SYNE1: variants seen among roughly 807,000 people sequenced by gnomAD.
SYNE1 encodes spectrin repeat containing nuclear envelope protein 1, also known as nesprin-1.
SYNE1 carries 616 observed loss-of-function variants against 1,111.0 expected under a neutral mutation model. That is an observed-to-expected ratio of 0.55 (90% confidence interval 0.52 to 0.59). The LOEUF (loss-of-function observed/expected upper bound fraction) is 0.59, where lower values mean the gene tolerates loss of function less well. Ranked by LOEUF, SYNE1 falls within the 20% of genes least tolerant of loss-of-function variation. The pLI, the probability that SYNE1 is intolerant of heterozygous loss-of-function variation, is 0.00. For missense variants in SYNE1, 10,006 were observed against 10,417.0 expected (o/e 0.96, Z 1.72); for synonymous variants, 3,855 against 3,825.8 (o/e 1.01, Z -0.28).
intron 98 of SYNE1, among the ~76,000 whole-genome samples, chr6:152,270,460 G>A (rs1448675146): frequency 2.0e-5 from 3 of 152,120 alleles, no homozygotes; most frequent in Non-Finnish European, 4.4e-5. Flanking sequence ...CTGACTAAAG[G>A]AGAAAGACCA....
Position 152,409,143 on chromosome 6 carries a change from C to T in SYNE1, c.6465G>A (p.Glu2155=), listed in dbSNP as rs1006156888. Residue 2155 remains glutamate, a synonymous_variant, in exon 44 of 146, where the codon GAG becomes GAA. Coordinates refer to ENST00000367255, the MANE Select transcript of SYNE1 (RefSeq NM_182961.4). ...AATCACTACTGTGAATTTTCTTCAG[C>T]TCAGATAACAAGTGTTTTCCTTTGC... The part of the protein sequence containing the change: ...FTSKGKHLLS[E]LKKIHSSDFS... The T allele has an allele frequency of 2.5e-6, 4 of 1,614,036 alleles. No homozygotes were observed. Among genetic ancestry groups the T allele is most frequent in the Admixed American group, 1.7e-5 (1 of 59,996 alleles).
chr6:152,501,867 T>A (rs765784), intron 10 of SYNE1, among the ~76,000 whole-genome samples: 12,848 of 152,198 alleles, frequency 0.084, 695 homozygotes, highest in African/African-American at 0.14. Flanking sequence ...CATACATAAG[T>A]TGACCTGCAG....
chr6:152,175,790 T>C (rs190789808), intron 130 of SYNE1, among the ~76,000 whole-genome samples: 13 of 152,300 alleles, frequency 8.5e-5, no homozygotes, highest in African/African-American at 3.1e-4. Context: ...TACCCTCATA[T>C]ATTTTTCTTT....
chr6:152,196,804 C>A (rs1307994219), intron 127 of SYNE1, among the ~76,000 whole-genome samples: 1 of 151,954 alleles, frequency 6.6e-6, no homozygotes, highest in African/African-American at 2.4e-5. Context: ...GGGTCATGTA[C>A]CCCCAAGTCC....
rs1465696029 is a variant in SYNE1 at position 152,225,893 on chromosome 6, A to G, written c.21196-17T>C. On this transcript the variant is annotated splice_polypyrimidine_tract_variant and intron_variant, in intron 115 of 145. Transcript: ENST00000367255. The stretch of plus-strand genomic sequence containing the variant: ...TTCCAGATCCTGAAAGATTTAAAAA[A>G]TAGTCACTTTAAATTGTTCTATTAT... The G allele has an allele frequency of 6.2e-7, 1 of 1,610,070 alleles. No individual in the cohort carries two copies. The highest frequency in any genetic ancestry group is 8.5e-7 in the Non-Finnish European group (1 of 1,178,842).
chr6:152,214,625 C>T (rs78579038), intron 122 of SYNE1, among the ~76,000 whole-genome samples: 1 of 152,300 alleles, frequency 6.6e-6, no homozygotes, highest in Non-Finnish European at 1.5e-5. Context: ...ATTCACACAG[C>T]GTTCAGCACT....
At chr6:152,552,898 C>T (rs1175901977) in intron 3 of SYNE1, among the ~76,000 whole-genome samples, 1 of 152,124 alleles carries the variant, frequency 6.6e-6, no homozygotes, top group Non-Finnish European at 1.5e-5. Flanking sequence ...GCAGGGGTTT[C>T]CACATGAGAC....
chr6:152,595,723 CT>C (rs2099579220), intron 3 of SYNE1, among the ~76,000 whole-genome samples: 1 of 152,122 alleles, frequency 6.6e-6, no homozygotes, highest in African/African-American at 2.4e-5. Flanking sequence ...ACATCTGCCC[CT>C]AGTGGGAACT....
chr6:152,308,728 C>T, intron 90 of SYNE1, 96 bp from the exon 91 acceptor site: 2 of 1,343,290 alleles, frequency 1.5e-6, no homozygotes, highest in Non-Finnish European at 2.0e-6. Context: ...TTTACCTGTA[C>T]AGGTAGGGAA....
chr6:152,156,610 A>C (rs937260867), intron 131 of SYNE1, among the ~76,000 whole-genome samples: 1 of 152,186 alleles, frequency 6.6e-6, no homozygotes, highest in African/African-American at 2.4e-5. Context: ...ACCTAATACA[A>C]TGTAAATGCT....
At chr6:152,293,485 T>A in intron 95 of SYNE1, 103 bp downstream of exon 95, 3 of 1,391,338 alleles carry the variant, frequency 2.2e-6, no homozygotes, top group East Asian at 2.3e-5. Context: ...AAAAAATTTT[T>A]AAAAAGTCAC....
chr6:152,169,384 AACC>A (rs1263973380), intron 130 of SYNE1, among the ~76,000 whole-genome samples: 2 of 151,770 alleles, frequency 1.3e-5, no homozygotes, highest in African/African-American at 2.4e-5. Context: ...AACACTGTGA[AACC>A]CTGTCTCTAC....
chr6:152,219,792 T>C (rs2079682307), intron 119 of SYNE1, among the ~76,000 whole-genome samples: 1 of 152,172 alleles, frequency 6.6e-6, no homozygotes, highest in Admixed American at 6.5e-5. Flanking sequence ...TGGGATCTCT[T>C]TGCCTCCACT....
chr6:152,490,163 T>G (rs982195692), intron 11 of SYNE1, among the ~76,000 whole-genome samples: 2 of 152,224 alleles, frequency 1.3e-5, no homozygotes, highest in Admixed American at 6.5e-5. Context: ...TAGCATTTAC[T>G]TTGTGTTAGG....
At chr6:152,441,526 G>T (rs904508540) in intron 31 of SYNE1, among the ~76,000 whole-genome samples, 4 of 151,998 alleles carry the variant, frequency 2.6e-5, no homozygotes, top group Non-Finnish European at 5.9e-5. Flanking sequence ...TCTTAGAAAT[G>T]TAAAGATATT....
At chr6:152,447,643 T>C (rs560435462) in intron 28 of SYNE1, 21 bp from the exon 29 acceptor site, 10 of 1,614,092 alleles carry the variant, frequency 6.2e-6, no homozygotes, top group South Asian at 3.3e-5. Context: ...AGAACACTTT[T>C]GATGAACACA....
At chr6:152,270,458 A>C (rs948278659) in intron 98 of SYNE1, among the ~76,000 whole-genome samples, 1 of 152,178 alleles carries the variant, frequency 6.6e-6, no homozygotes, top group Non-Finnish European at 1.5e-5. Flanking sequence ...GTCTGACTAA[A>C]GGAGAAAGAC....
intron 3 of SYNE1, among the ~76,000 whole-genome samples, chr6:152,607,691 C>G (rs1344192849): frequency 6.6e-6 from 1 of 152,016 alleles, no homozygotes; most frequent in Non-Finnish European, 1.5e-5. Context: ...GGGTATATAC[C>G]CAAAGGATCC....
rs750782371 is a variant in SYNE1 at position 152,409,187 on chromosome 6, C to A, written c.6421G>T (p.Asp2141Tyr). Residue 2141 changes from aspartate to tyrosine, a missense_variant, in exon 44 of 146, where the codon GAC becomes TAC. Asp to Tyr is a radical substitution (Grantham distance 160). Transcript: ENST00000367255. ...CCTTTGCTGGTAAAGTTATCCAAGT[C>A]TTTCTGTTTGTAATTCATTTTGTTC... ...AKNKMNYKQK[D>Y]LDNFTSKGKH... is the part of the protein sequence containing the mutation. 5 of 1,613,964 alleles carry A rather than the reference C, an allele frequency of 3.1e-6. No individual in the cohort carries two copies. In the Admixed American group the frequency reaches 8.3e-5, roughly 27 times the overall value.
Sources: gnomAD v4.1 joint callset for allele counts (sites outside exome capture counted in the v4.1 genomes callset) on GRCh38, gnomAD v4.1.1 for gene constraint, MANE v1.5 for transcripts, NCBI Gene and HGNC (gene_info 2026-07-23, HGNC 2026-07-21) for gene names.